Variants in TBC1D19 observed in about 807,000 individuals in gnomAD.
TBC1D19 encodes the protein TBC1 domain family member 19, also known as TBC1 domain family, member 19.
TBC1D19 carries 60 observed loss-of-function variants against 89.0 expected under a neutral mutation model. The ratio of observed to expected loss-of-function variants is 0.67; its 90% confidence interval spans 0.55 to 0.84. The LOEUF (loss-of-function observed/expected upper bound fraction) is 0.84. Among genes scored for constraint, TBC1D19 ranks in the 40% least tolerant of loss-of-function variants. TBC1D19 has a pLI of 0.00. For synonymous variants in TBC1D19, 189 were observed against 199.7 expected, an observed-to-expected ratio of 0.95 and a Z score of 0.45; for missense variants, 500 against 610.8, an observed-to-expected ratio of 0.82 and a Z score of 1.91.
chr4:26,755,800 A>C lies in TBC1D19; in HGVS notation c.*853A>C, dbSNP rs149281936. Among the ~76,000 whole-genome samples, 65 of 152,332 alleles carry C rather than the reference A, an allele frequency of 4.3e-4. No individual in the cohort carries two copies. Among genetic ancestry groups the C allele is most frequent in the African/African-American group, 1.5e-3 (61 of 41,590 alleles). On this transcript the variant is annotated 3_prime_UTR_variant, in exon 21 of 21. Coordinates refer to ENST00000264866, the MANE Select transcript of TBC1D19 (RefSeq NM_018317.4). ...ACAAGATTTACTTCTAGGGCAGAGC[A>C]GCTGAGAGAGATTAAAAGTAGGTAG...
intron 1 of TBC1D19, among the ~76,000 whole-genome samples, chr4:26,589,283 A>AAAC (rs374314890): frequency 5.1e-4 from 77 of 151,982 alleles, no homozygotes; most frequent in East Asian, 1.5e-3. Context: ...TCAAAAACAC[A>AAAC]AACAACAACA....
At position 26,755,307 on chromosome 4, in the gene TBC1D19, G is replaced by C. The variant is rs1290966538; in HGVS notation, c.*360G>C. The stretch of plus-strand genomic sequence containing the variant: ...ACTTCAAGAGGTAATGTAGCTTCTT[G>C]GATAATTCTTTTATGTCAGTTTATA... On this transcript the variant is annotated 3_prime_UTR_variant, in exon 21 of 21. Transcript: ENST00000264866. 1 of 152,358 alleles carries C rather than the reference G, an allele frequency of 6.6e-6. No individual in the cohort carries two copies. Among genetic ancestry groups the C allele is most frequent in the Non-Finnish European group, 1.5e-5 (1 of 68,080 alleles). 9.4% of individuals were successfully genotyped at this position (152,358 alleles called of 1,614,324 possible).
At chr4:26,743,594 G>A (rs190036702) in intron 18 of TBC1D19, among the ~76,000 whole-genome samples, 1 of 152,062 alleles carries the variant, frequency 6.6e-6, no homozygotes, top group Admixed American at 6.5e-5. Context: ...ATAGAGATAG[G>A]TAGATATATA....
chr4:26,638,664 T>TA (rs1480088212), intron 5 of TBC1D19, 107 bp from the exon 6 acceptor site: 8 of 808,074 alleles, frequency 9.9e-6, no homozygotes, highest in Non-Finnish European at 1.6e-5. Flanking sequence ...ATTATACTGT[T>TA]ATGGTCATTT....
At chr4:26,758,928 A>T (rs530991718), downstream of TBC1D19, among the ~76,000 whole-genome samples, 23 of 152,342 alleles carry the variant, frequency 1.5e-4, no homozygotes, top group African/African-American at 5.5e-4. Context: ...TGACCTTACA[A>T]GGATAAATTG....
chr4:26,847,114 A>G, the TBC1D19 span, among the ~76,000 whole-genome samples: 49,888 of 151,996 alleles, frequency 0.33, 8,216 homozygotes, highest in African/African-American at 0.36. Flanking sequence ...TCAGTCATTG[A>G]TTTGTTTAAT....
intron 8 of TBC1D19, 40 bp from the exon 9 acceptor site, chr4:26,666,293 G>A: frequency 1.3e-6 from 2 of 1,528,294 alleles, no homozygotes; most frequent in South Asian, 2.3e-5. Context: ...GTGCAGCAAA[G>A]TCTGAGATCT....
At chr4:26,710,491 T>C (rs1256549238) in intron 13 of TBC1D19, among the ~76,000 whole-genome samples, 1 of 152,206 alleles carries the variant, frequency 6.6e-6, no homozygotes, top group Non-Finnish European at 1.5e-5. Context: ...TCAATAAACA[T>C]ACGTGTGCAT....
the TBC1D19 span, among the ~76,000 whole-genome samples, chr4:26,799,927 A>G: frequency 7.0e-6 from 1 of 143,776 alleles, no homozygotes; most frequent in South Asian, 2.6e-4. Context: ...GTGAATAGCT[A>G]TAATATACAG....
the TBC1D19 span, among the ~76,000 whole-genome samples, chr4:26,777,569 G>T: frequency 0.046 from 6,959 of 152,148 alleles, 221 homozygotes; most frequent in Middle Eastern, 0.092. Context: ...CTCCAGAGTA[G>T]CTGGGATTGC....
At chr4:26,815,021 CA>C in the TBC1D19 span, among the ~76,000 whole-genome samples, 5,720 of 119,148 alleles carry the variant, frequency 0.048, 196 homozygotes, top group African/African-American at 0.11. Flanking sequence ...GACCTTGTCT[CA>C]AAAAAAAAAA....
At chr4:26,821,402 A>G in the TBC1D19 span, among the ~76,000 whole-genome samples, 1 of 152,218 alleles carries the variant, frequency 6.6e-6, no homozygotes, top group Non-Finnish European at 1.5e-5. Context: ...AATGTAATGA[A>G]ATTTTTCTAA....
chr4:26,687,460 C>T lies in TBC1D19; in HGVS notation c.892-885C>T, dbSNP rs574506201. ...GAAGCACACAAGCAGCAGTTTCCAA[C>T]TCTGGACATAATATTCAGAGGCAAT... On this transcript the variant is annotated intron_variant, in intron 12 of 20. Coordinates refer to ENST00000264866, the MANE Select transcript of TBC1D19 (RefSeq NM_018317.4). 1.1e-4 allele frequency among the ~76,000 whole-genome samples: 16 copies of T among 152,254 alleles called. No homozygotes were observed. The South Asian group carries it at 3.3e-3, about 32-fold the overall frequency.
At chr4:26,752,955 G>C (rs1005182170) in intron 19 of TBC1D19, among the ~76,000 whole-genome samples, 4 of 151,986 alleles carry the variant, frequency 2.6e-5, no homozygotes, top group Non-Finnish European at 5.9e-5. Flanking sequence ...CACCATGCTT[G>C]GCCTCCAGTG....
At chr4:26,728,747 C>T (rs561412643) in intron 15 of TBC1D19, among the ~76,000 whole-genome samples, 2 of 152,338 alleles carry the variant, frequency 1.3e-5, no homozygotes, top group Middle Eastern at 6.8e-3. Flanking sequence ...GGCGTGGTGG[C>T]TCACGCCTGT....
At chr4:26,757,414 C>T (rs944337113), downstream of TBC1D19, among the ~76,000 whole-genome samples, 1 of 152,182 alleles carries the variant, frequency 6.6e-6, no homozygotes, top group African/African-American at 2.4e-5. Context: ...CTGACACCCC[C>T]TTCACATCTG....
intron 7 of TBC1D19, among the ~76,000 whole-genome samples, chr4:26,653,144 G>C (rs554415710): frequency 4.9e-4 from 74 of 152,296 alleles, no homozygotes; most frequent in African/African-American, 1.6e-3. Context: ...TCACTCAGGA[G>C]CAGGTTGTTC....
At chr4:26,747,014 T>C (rs1416439892) in intron 18 of TBC1D19, among the ~76,000 whole-genome samples, 2 of 152,198 alleles carry the variant, frequency 1.3e-5, no homozygotes, top group African/African-American at 2.4e-5. Context: ...TTCACCAGGC[T>C]ACTCAAAACA....
At chr4:26,745,275 G>T (rs1246323158) in intron 18 of TBC1D19, among the ~76,000 whole-genome samples, 2 of 151,562 alleles carry the variant, frequency 1.3e-5, no homozygotes, top group East Asian at 1.9e-4. Context: ...TTCTTAATCG[G>T]TGTGTTTATA....
Sources: allele counts gnomAD v4.1 joint callset (sites outside exome capture counted in the v4.1 genomes callset), GRCh38; gene constraint gnomAD v4.1.1; transcripts MANE v1.5; gene names NCBI Gene and HGNC (gene_info 2026-07-23, HGNC 2026-07-21).